The following DLG2 variants were observed in gnomAD, a reference collection of about 807,000 sequenced individuals.
DLG2 encodes the protein disks large homolog 2.
Under a neutral mutation model 132.5 loss-of-function variants are expected in DLG2, and 45 were observed. That is an observed-to-expected ratio of 0.34 (90% CI 0.27 to 0.44). DLG2 has a LOEUF of 0.44. Ranked by LOEUF, DLG2 falls within the 20% of genes least tolerant of loss-of-function variation. DLG2 has a pLI of 1.00. For missense variants in DLG2, 1,045 were observed against 1,196.9 expected, an observed-to-expected ratio of 0.87 and a Z score of 1.87; for synonymous variants, 424 against 419.6, an observed-to-expected ratio of 1.01 and a Z score of -0.13.
At chr11:83,539,389 T>C (rs2095993053) in intron 20 of DLG2, among the ~76,000 whole-genome samples, 1 of 152,078 alleles carries the variant, frequency 6.6e-6, no homozygotes, top group Admixed American at 6.6e-5. Context: ...AGAAACAGGC[T>C]AGAAAGAAAT....
chr11:83,483,723 T>TTATC (rs760285436), intron 22 of DLG2, among the ~76,000 whole-genome samples: 5 of 152,066 alleles, frequency 3.3e-5, no homozygotes, highest in East Asian at 2.0e-4. Context: ...ATGTGCTAGT[T>TTATC]TATCTTTAAA....
intron 6 of DLG2, among the ~76,000 whole-genome samples, chr11:84,849,869 T>C (rs922525997): frequency 2.0e-5 from 3 of 152,138 alleles, no homozygotes; most frequent in South Asian, 2.1e-4. Flanking sequence ...CCTAGACAGG[T>C]TTTGGCATGT....
chr11:84,414,893 C>T (rs2098923742), intron 7 of DLG2, among the ~76,000 whole-genome samples: 1 of 152,082 alleles, frequency 6.6e-6, no homozygotes, highest in African/African-American at 2.4e-5. Flanking sequence ...ATCCTTTATC[C>T]TTGAAAGTGA....
chr11:85,483,092 C>G (rs952989088), intron 3 of DLG2, among the ~76,000 whole-genome samples: 1 of 152,156 alleles, frequency 6.6e-6, no homozygotes, highest in Non-Finnish European at 1.5e-5. Context: ...GGAACAGATA[C>G]AGGCCTCCAG....
At chr11:84,555,639 T>C (rs1380102590) in intron 6 of DLG2, among the ~76,000 whole-genome samples, 1 of 152,092 alleles carries the variant, frequency 6.6e-6, no homozygotes, top group Non-Finnish European at 1.5e-5. Flanking sequence ...GAAAGTAAAA[T>C]GGTAGTTATC....
intron 6 of DLG2, among the ~76,000 whole-genome samples, chr11:85,045,098 T>C (rs768912494): frequency 7.9e-5 from 12 of 152,036 alleles, no homozygotes; most frequent in Admixed American, 1.3e-4. Flanking sequence ...CTTCTTCCTC[T>C]TGGGAACAAG....
At chr11:84,663,027 C>T (rs551988763) in intron 6 of DLG2, among the ~76,000 whole-genome samples, 77 of 152,026 alleles carry the variant, frequency 5.1e-4, no homozygotes, top group African/African-American at 1.8e-3. Flanking sequence ...CCAACAAGAC[C>T]ACTTTAAGAC....
chr11:85,096,634 C>G (rs1426639842), intron 6 of DLG2, among the ~76,000 whole-genome samples: 4 of 151,784 alleles, frequency 2.6e-5, no homozygotes, highest in African/African-American at 7.3e-5. Context: ...GGAATAAACT[C>G]TAGTCACATT....
intron 18 of DLG2, among the ~76,000 whole-genome samples, chr11:83,721,432 T>C (rs939945400): frequency 1.3e-5 from 2 of 152,210 alleles, no homozygotes. Flanking sequence ...AGCTCTTCAA[T>C]TCACAAATTT....
intron 7 of DLG2, among the ~76,000 whole-genome samples, chr11:84,295,891 A>G (rs2098082941): frequency 2.6e-5 from 4 of 152,222 alleles, no homozygotes; most frequent in African/African-American, 9.6e-5. Context: ...TCAGAAGACT[A>G]TGCACTCTGT....
intron 3 of DLG2, among the ~76,000 whole-genome samples, chr11:85,359,475 AT>A (rs1413312478): frequency 1.3e-5 from 2 of 152,226 alleles, no homozygotes; most frequent in African/African-American, 4.8e-5. Flanking sequence ...CAAGCTGGTC[AT>A]TATAATTTGT....
intron 6 of DLG2, among the ~76,000 whole-genome samples, chr11:85,008,095 T>A (rs1228066299): frequency 6.6e-6 from 1 of 152,174 alleles, no homozygotes. Flanking sequence ...ACACGAAAAC[T>A]ATTATATAAA....
At chr11:85,496,502 C>T (rs761724891) in intron 3 of DLG2, among the ~76,000 whole-genome samples, 2 of 152,156 alleles carry the variant, frequency 1.3e-5, no homozygotes, top group Non-Finnish European at 2.9e-5. Context: ...CATATCTGAA[C>T]AAAAGGTAGC....
At chr11:84,527,233 G>A (rs965072665) in intron 7 of DLG2, among the ~76,000 whole-genome samples, 34 of 152,176 alleles carry the variant, frequency 2.2e-4, no homozygotes, top group Admixed American at 1.2e-3. Context: ...ATGACCAGTC[G>A]GGGTTGGCCA....
At chr11:83,602,235 T>C (rs753705608) in intron 19 of DLG2, among the ~76,000 whole-genome samples, 4 of 152,216 alleles carry the variant, frequency 2.6e-5, no homozygotes, top group Non-Finnish European at 4.4e-5. Flanking sequence ...ATTTAACTTG[T>C]TCCAGTATGA....
At chr11:84,239,205 G>A (rs1228683801) in intron 8 of DLG2, among the ~76,000 whole-genome samples, 1 of 151,966 alleles carries the variant, frequency 6.6e-6, no homozygotes, top group Non-Finnish European at 1.5e-5. Flanking sequence ...TATTATTTGA[G>A]ACCAAGTCTC....
At chr11:84,119,766 T>C (rs2093817021) in intron 9 of DLG2, among the ~76,000 whole-genome samples, 1 of 152,210 alleles carries the variant, frequency 6.6e-6, no homozygotes, top group Non-Finnish European at 1.5e-5. Context: ...AATCTTTTTA[T>C]ATTTGGCTTA....
chr11:85,078,877 G>A (rs1309835077), intron 6 of DLG2, among the ~76,000 whole-genome samples: 1 of 152,096 alleles, frequency 6.6e-6, no homozygotes, highest in Non-Finnish European at 1.5e-5. Flanking sequence ...TTCAAGTTTT[G>A]TAAACCAAAA....
chr11:85,213,397 T>C (rs1241311965), intron 4 of DLG2, among the ~76,000 whole-genome samples: 1 of 151,156 alleles, frequency 6.6e-6, no homozygotes, highest in Non-Finnish European at 1.5e-5. Context: ...AACTGGAAGC[T>C]GAGTGGGGGT....
Sources: gnomAD v4.1 joint callset for allele counts (sites outside exome capture counted in the v4.1 genomes callset) on GRCh38, gnomAD v4.1.1 for gene constraint, MANE v1.5 for transcripts, NCBI Gene and HGNC (gene_info 2026-07-23, HGNC 2026-07-21) for gene names.